The following RANBP2 variants were observed in gnomAD, a reference collection of about 807,000 sequenced individuals.
The protein encoded by RANBP2 is RAN binding protein 2.
Under a neutral mutation model 303.6 loss-of-function variants are expected in RANBP2, and 57 were observed. That is an observed-to-expected ratio of 0.19 (90% CI 0.15 to 0.23). The LOEUF (loss-of-function observed/expected upper bound fraction) is 0.23, where lower values mean the gene tolerates loss of function less well. Ranked by LOEUF, RANBP2 falls within the 10% of genes least tolerant of loss-of-function variation. The pLI is 1.00. For missense variants in RANBP2, 3,138 were observed against 3,780.8 expected (o/e 0.83, Z 4.46); for synonymous variants, 1,167 against 1,301.5 (o/e 0.90, Z 2.23).
At chr2:109,677,350 C>T in the RANBP2 span, among the ~76,000 whole-genome samples, 1 of 152,196 alleles carries the variant, frequency 6.6e-6, no homozygotes, top group Admixed American at 6.5e-5. Context: ...GGGCAGGGGG[C>T]TTGTGTTCTC....
the RANBP2 span, among the ~76,000 whole-genome samples, chr2:109,325,704 C>T: frequency 6.6e-6 from 1 of 152,176 alleles, no homozygotes; most frequent in Non-Finnish European, 1.5e-5. Context: ...TCCTGGTTTC[C>T]AAGCCAGGCA....
chr2:109,167,712 C>T, the RANBP2 span, among the ~76,000 whole-genome samples: 1 of 152,154 alleles, frequency 6.6e-6, no homozygotes, highest in South Asian at 2.1e-4. Flanking sequence ...GCTGGGACTA[C>T]AGACACCTGT....
At chr2:109,429,070 G>A in the RANBP2 span, among the ~76,000 whole-genome samples, 2 of 152,202 alleles carry the variant, frequency 1.3e-5, no homozygotes, top group Non-Finnish European at 2.9e-5. Flanking sequence ...CGATGCCACT[G>A]TGGCTGCAGG....
chr2:109,146,158 A>G, the RANBP2 span, among the ~76,000 whole-genome samples: 3 of 152,188 alleles, frequency 2.0e-5, no homozygotes, highest in Non-Finnish European at 4.4e-5. Flanking sequence ...AGTTTTCATT[A>G]GAATACGTAT....
the RANBP2 span, among the ~76,000 whole-genome samples, chr2:109,243,272 C>T: frequency 1.6e-4 from 25 of 152,232 alleles, no homozygotes; most frequent in Admixed American, 1.2e-3. Flanking sequence ...GGGCCAGAGC[C>T]GGCGTCAGCC....
the RANBP2 span, among the ~76,000 whole-genome samples, chr2:109,300,305 G>A: frequency 4.3e-4 from 65 of 152,108 alleles, no homozygotes; most frequent in East Asian, 0.012. Context: ...TTAGCTTCCC[G>A]AGTAGCTGGG....
chr2:109,189,685 G>A, the RANBP2 span, among the ~76,000 whole-genome samples: 5 of 152,046 alleles, frequency 3.3e-5, no homozygotes, highest in African/African-American at 1.2e-4. Context: ...AATGTATTGT[G>A]TAATAATCAA....
the RANBP2 span, among the ~76,000 whole-genome samples, chr2:109,415,326 A>G: frequency 6.6e-6 from 1 of 152,240 alleles, no homozygotes; most frequent in African/African-American, 2.4e-5. Flanking sequence ...CCTGAGTTCA[A>G]AATAATAAGC....
the RANBP2 span, among the ~76,000 whole-genome samples, chr2:108,902,203 G>A: frequency 4.3e-5 from 6 of 139,770 alleles, no homozygotes; most frequent in African/African-American, 1.7e-4. Context: ...GTGAGACTCC[G>A]TCTCAAAAAA....
chr2:109,317,286 C>T, the RANBP2 span, among the ~76,000 whole-genome samples: 7 of 152,146 alleles, frequency 4.6e-5, no homozygotes, highest in African/African-American at 1.7e-4. Flanking sequence ...AAGTCTTGCC[C>T]ATGGTGACAG....
At chr2:109,348,519 G>A in the RANBP2 span, among the ~76,000 whole-genome samples, 1 of 152,230 alleles carries the variant, frequency 6.6e-6, no homozygotes, top group African/African-American at 2.4e-5. Context: ...AAATTGAGTA[G>A]GAGGGTTGGG....
At chr2:109,237,605 T>A in the RANBP2 span, among the ~76,000 whole-genome samples, 1 of 152,172 alleles carries the variant, frequency 6.6e-6, no homozygotes, top group Non-Finnish European at 1.5e-5. Context: ...TTTGTGTGTG[T>A]GAATTTTTTT....
At chr2:109,636,896 A>C in the RANBP2 span, among the ~76,000 whole-genome samples, 1 of 152,152 alleles carries the variant, frequency 6.6e-6, no homozygotes, top group Non-Finnish European at 1.5e-5. Context: ...GGGACGAGAG[A>C]CTGAGAAAGA....
At chr2:108,880,589 C>T in the RANBP2 span, among the ~76,000 whole-genome samples, 2 of 152,168 alleles carry the variant, frequency 1.3e-5, no homozygotes, top group Non-Finnish European at 2.9e-5. Flanking sequence ...GAAGGCAATG[C>T]TCATTTGCCA....
At chr2:108,860,463 G>A in the RANBP2 span, among the ~76,000 whole-genome samples, 1 of 150,890 alleles carries the variant, frequency 6.6e-6, no homozygotes, top group Non-Finnish European at 1.5e-5. Flanking sequence ...GATATTGACT[G>A]TAGTTTTGTC....
rs138540027 is a variant in RANBP2, at chr2:108,740,483, T to C, written c.783-6T>C. The C allele has an allele frequency of 1.8e-3, 2,803 of 1,597,564 alleles. 6 individuals carry two copies. Among genetic ancestry groups the C allele is most frequent in the Non-Finnish European group, 2.1e-3 (2,455 of 1,179,754 alleles). On this transcript the variant is annotated splice_region_variant and splice_polypyrimidine_tract_variant and intron_variant, in intron 6 of 28. Transcript: ENST00000283195. ...GTATTATCTGTTTGATATTTTCATATTACAGTTTTGATAGTGCTCTTCAGT... is the reference window on the plus strand; with the variant it reads ...GTATTATCTGTTTGATATTTTCATACTACAGTTTTGATAGTGCTCTTCAGT...
chr2:109,368,417 G>A, the RANBP2 span, among the ~76,000 whole-genome samples: 1 of 152,252 alleles, frequency 6.6e-6, no homozygotes. Context: ...GGCATATACA[G>A]TGGATTAGAG....
chr2:108,943,067 CTTT>C, the RANBP2 span, among the ~76,000 whole-genome samples: 5 of 152,162 alleles, frequency 3.3e-5, no homozygotes, highest in Non-Finnish European at 5.9e-5. Flanking sequence ...TCAGAGTGGG[CTTT>C]TTTTCCCTCC....
At chr2:109,567,924 A>G in the RANBP2 span, 1 of 1,613,988 alleles carries the variant, frequency 6.2e-7, no homozygotes, top group Non-Finnish European at 8.5e-7. Flanking sequence ...AAACTTCTGT[A>G]ATTCAGTTTT....
Sources: gnomAD v4.1 joint callset for allele counts (sites outside exome capture counted in the v4.1 genomes callset) on GRCh38, gnomAD v4.1.1 for gene constraint, MANE v1.5 for transcripts, NCBI Gene and HGNC (gene_info 2026-07-23, HGNC 2026-07-21) for gene names.